STIMATE: variants seen among roughly 807,000 people sequenced by gnomAD.
STIMATE encodes store-operated calcium entry regulator STIMATE.
In STIMATE, 15 loss-of-function variants were observed where a neutral mutation model predicts 36.7. The observed-to-expected ratio is 0.41, with a 90% confidence interval of 0.27 to 0.63. The LOEUF is 0.63. Ranked by LOEUF, STIMATE falls within the 20% of genes least tolerant of loss-of-function variation. The pLI, the probability that STIMATE is intolerant of heterozygous loss-of-function variation, is 0.32. For synonymous variants in STIMATE, 163 were observed against 162.3 expected, an observed-to-expected ratio of 1.00 and a Z score of -0.03; for missense variants, 305 against 397.3, an observed-to-expected ratio of 0.77 and a Z score of 1.98.
chr3:52,893,554 C>G (rs902824578), intron 1 of STIMATE, among the ~76,000 whole-genome samples: 3 of 152,162 alleles, frequency 2.0e-5, no homozygotes, highest in African/African-American at 7.2e-5. Context: ...TGTGCCAACA[C>G]AAGCCTGTTC....
chr3:52,855,530 C>T, intron 1 of STIMATE, 86 bp from the exon 2 acceptor site: 2 of 1,584,020 alleles, frequency 1.3e-6, no homozygotes, highest in Non-Finnish European at 1.7e-6. Flanking sequence ...TCAGTCTACT[C>T]ACTGTGTGTA....
At chr3:52,840,697 CA>C in intron 7 of STIMATE, 87 bp from the exon 8 acceptor site, 3 of 1,004,842 alleles carry the variant, frequency 3.0e-6, no homozygotes, top group Non-Finnish European at 4.2e-6. Context: ...CTTCAAGTCT[CA>C]TGTTTTTTTT....
At chr3:52,863,916 C>A (rs77113944) in intron 1 of STIMATE, among the ~76,000 whole-genome samples, 5 of 152,360 alleles carry the variant, frequency 3.3e-5, no homozygotes, top group African/African-American at 1.2e-4. Flanking sequence ...AGGTAGGTTC[C>A]CACAGTCTTG....
chr3:52,892,678 A>G (rs1701801415), intron 1 of STIMATE, among the ~76,000 whole-genome samples: 1 of 152,212 alleles, frequency 6.6e-6, no homozygotes, highest in Non-Finnish European at 1.5e-5. Flanking sequence ...TATTCACATG[A>G]TCTCAAAGTA....
At chr3:52,897,175 G>C (rs1224609280) in intron 1 of STIMATE, 116 bp downstream of exon 1, 6 of 1,349,264 alleles carry the variant, frequency 4.4e-6, no homozygotes, top group African/African-American at 1.5e-5. Flanking sequence ...GGGTTTGCGG[G>C]GGAGGAGCAA....
chr3:52,857,288 A>G (rs1402945679), intron 1 of STIMATE, among the ~76,000 whole-genome samples: 1 of 152,198 alleles, frequency 6.6e-6, no homozygotes, highest in East Asian at 1.9e-4. Flanking sequence ...TTGACACATC[A>G]CAGATCCCAA....
intron 1 of STIMATE, among the ~76,000 whole-genome samples, chr3:52,878,851 C>CA (rs1701554075): frequency 6.6e-6 from 1 of 152,162 alleles, no homozygotes; most frequent in Non-Finnish European, 1.5e-5. Context: ...GCCGATAGGA[C>CA]ACTGCCTTCA....
chr3:52,847,686 T>C (rs1700931008), intron 4 of STIMATE: 1 of 583,008 alleles, frequency 1.7e-6, no homozygotes, highest in East Asian at 6.8e-5. Context: ...CCCCACACAG[T>C]TGCCTACATC....
At chr3:52,842,403 G>C (rs540950128) in intron 7 of STIMATE, among the ~76,000 whole-genome samples, 1 of 152,364 alleles carries the variant, frequency 6.6e-6, no homozygotes, top group African/African-American at 2.4e-5. Context: ...GTTTCCAGCT[G>C]TCTGAGCCAA....
chr3:52,894,064 CAAAACCACCAAAACGAGGAATTGCTT>C (rs766126190), intron 1 of STIMATE, among the ~76,000 whole-genome samples: 134 of 152,288 alleles, frequency 8.8e-4, no homozygotes, highest in Non-Finnish European at 1.6e-3. Flanking sequence ...AGACTATAGA[CAAAACCACCAAAACGAGGAATTGCTT>C]AAAACCACCA....
chr3:52,841,448 C>G (rs1700796300), intron 7 of STIMATE, among the ~76,000 whole-genome samples: 1 of 152,230 alleles, frequency 6.6e-6, no homozygotes. Context: ...AGCCATGCAG[C>G]TGGGGCAAAC....
chr3:52,860,296 T>C (rs933367430), intron 1 of STIMATE, among the ~76,000 whole-genome samples: 8 of 151,560 alleles, frequency 5.3e-5, no homozygotes, highest in Non-Finnish European at 1.5e-5. Context: ...GTGCCAAGCA[T>C]GGAGGTAAAC....
intron 1 of STIMATE, among the ~76,000 whole-genome samples, chr3:52,875,369 T>C (rs923786369): frequency 2.4e-4 from 36 of 152,142 alleles, no homozygotes; most frequent in African/African-American, 8.7e-4. Flanking sequence ...GTGTAGCCCC[T>C]GGCCAGCCCC....
intron 1 of STIMATE, among the ~76,000 whole-genome samples, chr3:52,881,677 G>A (rs926869140): frequency 6.6e-6 from 1 of 152,100 alleles, no homozygotes; most frequent in African/African-American, 2.4e-5. Flanking sequence ...ACTCCAGCCC[G>A]GGCGACAGAG....
chr3:52,858,574 A>C lies in STIMATE; in HGVS notation c.161-3130T>G, dbSNP rs142907434. 8.3e-3 allele frequency among the ~76,000 whole-genome samples: 1,267 copies of C among 152,334 alleles called. 20 individuals are homozygous for C. The highest frequency in any genetic ancestry group is 0.028 in the African/African-American group (1,175 of 41,572). ...CAGGAGGTTGAGGCTGCAGTGAGCT[A>C]TCGCATCACTGCATTCCAGCCTGGG... On this transcript the variant is annotated intron_variant, in intron 1 of 7. Transcript: ENST00000355083.
At chr3:52,874,636 G>T (rs34026403) in intron 1 of STIMATE, among the ~76,000 whole-genome samples, 2 of 152,106 alleles carry the variant, frequency 1.3e-5, no homozygotes, top group African/African-American at 4.8e-5. Flanking sequence ...TGAGCCGGGC[G>T]GATCACTTGA....
chr3:52,887,402 C>A (rs954416340), intron 1 of STIMATE, among the ~76,000 whole-genome samples: 25 of 152,314 alleles, frequency 1.6e-4, no homozygotes, highest in Middle Eastern at 3.4e-3. Flanking sequence ...CAGGCAGAGG[C>A]CTATTCTGTA....
intron 1 of STIMATE, among the ~76,000 whole-genome samples, chr3:52,893,541 G>A (rs949805201): frequency 5.3e-5 from 8 of 152,112 alleles, no homozygotes; most frequent in Admixed American, 1.3e-4. Context: ...TCGTAGGGAA[G>A]GTTGTGCCAA....
At chr3:52,869,632 C>T (rs918508956) in intron 1 of STIMATE, among the ~76,000 whole-genome samples, 4 of 152,214 alleles carry the variant, frequency 2.6e-5, no homozygotes, top group African/African-American at 9.6e-5. Flanking sequence ...TCCCACTAGA[C>T]AATTAGTTAA....
Sources: gnomAD v4.1 joint callset for allele counts (sites outside exome capture counted in the v4.1 genomes callset) on GRCh38, gnomAD v4.1.1 for gene constraint, MANE v1.5 for transcripts, NCBI Gene and HGNC (gene_info 2026-07-23, HGNC 2026-07-21) for gene names.